Variants in SSUH2 observed in about 807,000 individuals in gnomAD.
SSUH2 encodes the protein ssu-2 homolog.
A neutral mutation model predicts 55.3 loss-of-function variants in SSUH2; 47 were observed. That is an observed-to-expected ratio of 0.85 (90% CI 0.67 to 1.08). The LOEUF (loss-of-function observed/expected upper bound fraction) is 1.08, where lower values mean the gene tolerates loss of function less well. Among genes scored for constraint, SSUH2 ranks in the 50% least tolerant of loss-of-function variants. The pLI is 0.00. For synonymous variants in SSUH2, 212 were observed against 191.5 expected (o/e 1.11, Z -0.89); for missense variants, 535 against 490.7 (o/e 1.09, Z -0.85).
intron 7 of SSUH2, among the ~76,000 whole-genome samples, chr3:8,653,361 G>A (rs377674374): frequency 6.6e-6 from 1 of 152,178 alleles, no homozygotes; most frequent in Non-Finnish European, 1.5e-5. Context: ...AAAAACTAAT[G>A]GTCACCCCAC....
chr3:8,658,508 G>A (rs1703159864), intron 7 of SSUH2, among the ~76,000 whole-genome samples: 1 of 152,236 alleles, frequency 6.6e-6, no homozygotes, highest in Non-Finnish European at 1.5e-5. Context: ...GCTGGGTGGG[G>A]CAGGTGCGTA....
chr3:8,678,896 G>GA lies in SSUH2; in HGVS notation c.-901+808_-901+809insT, dbSNP rs1705682440. 1.8e-5 allele frequency among the ~76,000 whole-genome samples: 2 copies of GA among 110,398 alleles called. 1 individual carries two copies. Among genetic ancestry groups the GA allele is most frequent in the Admixed American group, 1.8e-4 (2 of 11,164 alleles). 72.4% of individuals were successfully genotyped at this position (110,398 alleles called of 152,430 possible). A position where few individuals can be genotyped will look rare whatever the true frequency, so the allele number is the denominator to read the frequency against. On this transcript the variant is annotated intron_variant, in intron 2 of 18. Coordinates refer to the SSUH2 transcript ENST00000317371. ...TCTTAGGATCCCCATTGCAAGGGAGGGAGGCACCCCCCGCCAGGCGGGGAC... is the reference window on the plus strand; with the variant it reads ...TCTTAGGATCCCCATTGCAAGGGAGGAGAGGCACCCCCCGCCAGGCGGGGAC...
chr3:8,663,264 G>A (rs374981725), intron 6 of SSUH2, among the ~76,000 whole-genome samples: 6 of 152,370 alleles, frequency 3.9e-5, no homozygotes, highest in African/African-American at 7.2e-5. Context: ...CATCTCAGAT[G>A]TCTGACCGAC....
chr3:8,635,189 G>A (rs1389893779), intron 3 of SSUH2, 111 bp downstream of exon 3: 19 of 834,502 alleles, frequency 2.3e-5, no homozygotes, highest in Non-Finnish European at 3.3e-5. Flanking sequence ...TAGGTCTGGG[G>A]TGCAGACGGC....
At position 8,677,550 on chromosome 3, in the gene SSUH2, C is replaced by G. The variant is rs1344179313; in HGVS notation, c.-900-197G>C. The G allele has an allele frequency of 6.6e-5, 10 of 150,870 alleles. 1 individual carries two copies. The highest frequency in any genetic ancestry group is 2.4e-4 in the African/African-American group (10 of 41,034). 9.3% of individuals were successfully genotyped at this position (150,870 alleles called of 1,614,324 possible). Reference sequence around the variant, plus strand: ...GGAAAAACTTCTGGCAGCCCCAGCCCTGGGGCTACCCGATCTGACACAGCC... The same window carrying G: ...GGAAAAACTTCTGGCAGCCCCAGCCGTGGGGCTACCCGATCTGACACAGCC... On this transcript the variant is annotated intron_variant, in intron 2 of 18. Coordinates refer to the SSUH2 transcript ENST00000317371.
chr3:8,625,592 G>A lies in SSUH2; in HGVS notation c.823C>T (p.Leu275Phe), dbSNP rs1445397985. Residue 275 changes from leucine to phenylalanine, a missense_variant, in exon 10 of 12, where the codon CTC becomes TTC. By Grantham distance (22) the Leu-to-Phe change is conservative. Transcript: ENST00000544814. ...TTTTCTCCTTTGGCTTTAGCAAGGAGCTCCCTGGGGCAGTTGAGCCGGTGC... is the reference window on the plus strand; with the variant it reads ...TTTTCTCCTTTGGCTTTAGCAAGGAACTCCCTGGGGCAGTTGAGCCGGTGC... ...SEHRLNCPRE[L>F]LAKAKGENLF... The A allele has an allele frequency of 1.9e-6, 3 of 1,613,896 alleles. No homozygotes were observed. The African/African-American group carries it at 4.0e-5, about 22-fold the overall frequency.
intron 6 of SSUH2, among the ~76,000 whole-genome samples, chr3:8,660,283 T>TTGG (rs1441453307): frequency 6.6e-5 from 10 of 152,214 alleles, no homozygotes; most frequent in Admixed American, 4.6e-4. Flanking sequence ...TGACTTTCCA[T>TTGG]CAAAGGAAAA....
At chr3:8,666,602 T>C (rs973580180) in intron 5 of SSUH2, among the ~76,000 whole-genome samples, 7 of 152,168 alleles carry the variant, frequency 4.6e-5, no homozygotes, top group Admixed American at 4.6e-4. Context: ...GCAACAATCA[T>C]CAACACAGAA....
chr3:8,622,837 G>T (rs1307642433), intron 11 of SSUH2, among the ~76,000 whole-genome samples: 1 of 152,196 alleles, frequency 6.6e-6, no homozygotes, highest in Admixed American at 6.5e-5. Flanking sequence ...AGGTGCTTTA[G>T]TGTCTTTTTT....
intron 1 of SSUH2, among the ~76,000 whole-genome samples, chr3:8,644,413 A>C (rs763809335): frequency 4.6e-5 from 7 of 152,194 alleles, no homozygotes; most frequent in Admixed American, 2.0e-4. Context: ...ATAGAGAGAA[A>C]AGTTCTCAAT....
At chr3:8,681,916 C>T (rs1419774386) in exon 1 of SSUH2, 22 of 156,174 alleles carry the variant, frequency 1.4e-4, no homozygotes, top group African/African-American at 5.3e-4. Context: ...TTTTAGGTGT[C>T]CAAGAAGAAA....
In SSUH2 at chr3:8,625,577, T is replaced by C. The variant is rs1697365115; in HGVS notation, c.838A>G (p.Lys280Glu). The change falls in exon 10 of 12, where the codon AAA becomes GAA. Residue 280 changes from lysine to glutamate, a missense_variant. Coordinates refer to ENST00000544814, the MANE Select transcript of SSUH2 (RefSeq NM_001256748.3). ...TCATCCTTAAAGAGGTTTTCTCCTT[T>C]GGCTTTAGCAAGGAGCTCCCTGGGG... ...NCPRELLAKA[K>E]GENLFKDENS... 1.2e-6 allele frequency: 2 copies of C among 1,613,880 alleles called. No homozygotes were observed. The highest frequency in any genetic ancestry group is 2.2e-5 in the East Asian group (1 of 44,862).
chr3:8,630,834 A>G lies in SSUH2; in HGVS notation c.496T>C (p.Phe166Leu). 2.0e-6 allele frequency: 3 copies of G among 1,496,978 alleles called. No homozygotes were observed. Among genetic ancestry groups the G allele is most frequent in the Non-Finnish European group, 2.7e-6 (3 of 1,123,346 alleles). 92.7% of individuals were successfully genotyped at this position (1,496,978 alleles called of 1,614,324 possible). The change falls in exon 6 of 12, where the codon TTC becomes CTC. Residue 166 changes from phenylalanine to leucine, a missense_variant. By Grantham distance (22) the Phe-to-Leu change is conservative. Coordinates refer to ENST00000544814, the MANE Select transcript of SSUH2 (RefSeq NM_001256748.3). ...ACCAGTGACGAGTGAGGGACCTGGAACTTCCTGGTGTCTTCCTGAAACATC... is the reference window on the plus strand; with the variant it reads ...ACCAGTGACGAGTGAGGGACCTGGAGCTTCCTGGTGTCTTCCTGAAACATC... Reference protein sequence around the residue: ...PPMFQEDTRKFQVPHSSLVKE... With the variant: ...PPMFQEDTRKLQVPHSSLVKE...
intron 1 of SSUH2, among the ~76,000 whole-genome samples, chr3:8,641,884 T>A (rs1700910948): frequency 6.6e-6 from 1 of 151,912 alleles, no homozygotes; most frequent in Admixed American, 6.6e-5. Flanking sequence ...TGAACAAGAC[T>A]TCTGGGAGCA....
chr3:8,656,994 C>T (rs1209056485), intron 7 of SSUH2, among the ~76,000 whole-genome samples: 1 of 152,186 alleles, frequency 6.6e-6, no homozygotes, highest in Non-Finnish European at 1.5e-5. Context: ...GATTCTCTTG[C>T]CTCAGCCTCC....
intron 2 of SSUH2, 43 bp from the exon 3 acceptor site, chr3:8,635,424 G>T (rs1270430262): frequency 7.2e-7 from 1 of 1,383,742 alleles, no homozygotes; most frequent in Middle Eastern, 1.8e-4. Context: ...CCAGGCCAAA[G>T]GAACAAATAT....
At chr3:8,676,095 C>G (rs148883602) in intron 3 of SSUH2, among the ~76,000 whole-genome samples, 4 of 152,182 alleles carry the variant, frequency 2.6e-5, no homozygotes, top group African/African-American at 4.8e-5. Context: ...AGAGCCAGCC[C>G]CTCTTCCCCG....
At chr3:8,665,768 T>C (rs1482729532) in intron 5 of SSUH2, among the ~76,000 whole-genome samples, 1 of 152,218 alleles carries the variant, frequency 6.6e-6, no homozygotes, top group Non-Finnish European at 1.5e-5. Context: ...ATGAAAATAG[T>C]TCATTTTCCC....
intron 6 of SSUH2, 90 bp from the exon 7 acceptor site, chr3:8,629,816 G>C: frequency 2.4e-6 from 3 of 1,245,196 alleles, no homozygotes; most frequent in Non-Finnish European, 3.6e-6. Context: ...AAGGTGGAGT[G>C]GATCAGGACC....
Sources: gnomAD v4.1 joint callset for allele counts (sites outside exome capture counted in the v4.1 genomes callset) on GRCh38, gnomAD v4.1.1 for gene constraint, MANE v1.5 for transcripts, NCBI Gene and HGNC (gene_info 2026-07-23, HGNC 2026-07-21) for gene names.